Variants in BCL7B observed in about 807,000 individuals in gnomAD.
BCL7B encodes B-cell CLL/lymphoma 7 protein family member B.
BCL7B carries 11 observed loss-of-function variants against 26.5 expected under a neutral mutation model. That is an observed-to-expected ratio of 0.42 (90% CI 0.26 to 0.69). BCL7B has a LOEUF of 0.69. Among genes scored for constraint, BCL7B ranks in the 30% least tolerant of loss-of-function variants. BCL7B has a pLI of 0.28. For missense variants in BCL7B, 215 were observed against 264.4 expected, an observed-to-expected ratio of 0.81 and a Z score of 1.30; for synonymous variants, 111 against 107.9, an observed-to-expected ratio of 1.03 and a Z score of -0.18.
chr7:73,537,782 G>A, intron 5 of BCL7B, 152 bp downstream of exon 5: 1 of 553,154 alleles, frequency 1.8e-6, no homozygotes, highest in Non-Finnish European at 3.2e-6. Context: ...CAGCTACTCA[G>A]GAGGCTGAAA....
intron 1 of BCL7B, among the ~76,000 whole-genome samples, chr7:73,553,110 G>T (rs1453112295): frequency 6.7e-6 from 1 of 150,218 alleles, no homozygotes; most frequent in African/African-American, 2.5e-5. Context: ...TTGTAGAGAT[G>T]GTTGGGGTGG....
At chr7:73,550,459 T>C (rs1336747350) in intron 2 of BCL7B, among the ~76,000 whole-genome samples, 1 of 151,648 alleles carries the variant, frequency 6.6e-6, no homozygotes, top group Non-Finnish European at 1.5e-5. Context: ...GCAGGAGAAT[T>C]GCTTGAACCT....
In BCL7B at chr7:73,539,818, G is replaced by A. The variant is rs540253790; in HGVS notation, c.436+64C>T. 6 of 1,575,104 alleles carry A rather than the reference G, an allele frequency of 3.8e-6. No homozygotes were observed. In the South Asian group the frequency reaches 6.8e-5, roughly 18 times the overall value. On this transcript the variant is annotated intron_variant, in intron 4 of 5. Transcript: ENST00000223368. ...CTCGAGCCTGTTACTCTAAAGACGA[G>A]ACACAACAAGAGCAGAAAGCAAGGC...
At chr7:73,543,845 T>C (rs1448922002) in intron 2 of BCL7B, 1 of 523,708 alleles carries the variant, frequency 1.9e-6, no homozygotes, top group Non-Finnish European at 3.4e-6. Context: ...AAATGAACCC[T>C]TCCAGCAGGA....
chr7:73,546,717 A>T (rs1360301543), intron 2 of BCL7B, among the ~76,000 whole-genome samples: 1 of 152,196 alleles, frequency 6.6e-6, no homozygotes, highest in East Asian at 1.9e-4. Flanking sequence ...GCAATTTGTT[A>T]TGAAAAATAC....
intron 2 of BCL7B, 140 bp from the exon 3 acceptor site, chr7:73,543,784 C>T (rs1459329038): frequency 1.6e-6 from 1 of 637,688 alleles, no homozygotes; most frequent in Non-Finnish European, 2.7e-6. Context: ...AATCCAAGGA[C>T]CCAAGGAAGA....
Position 73,554,734 on chromosome 7 carries a change from A to G in BCL7B, c.93-2492T>C, listed in dbSNP as rs1220597536. On this transcript the variant is annotated intron_variant, in intron 1 of 5. Coordinates refer to ENST00000223368, the MANE Select transcript of BCL7B (RefSeq NM_001707.4). ...AACTGCTTGAACCCCAGAGGCGGAC[A>G]CTGCAGTGAGCCAAGACCACGCCAC... Among the ~76,000 whole-genome samples, 12 of 150,348 alleles carry G rather than the reference A, an allele frequency of 8.0e-5. No homozygotes were observed. The Admixed American group carries it at 8.0e-4, about 10-fold the overall frequency.
chr7:73,551,821 T>A lies in BCL7B; in HGVS notation c.168+346A>T, dbSNP rs943499413. 3.9e-5 allele frequency among the ~76,000 whole-genome samples: 6 copies of A among 152,022 alleles called. No homozygotes were observed. In the East Asian group the frequency reaches 7.7e-4, roughly 20 times the overall value. On this transcript the variant is annotated intron_variant, in intron 2 of 5. Transcript: ENST00000223368. The stretch of plus-strand genomic sequence containing the variant: ...TTAATTAAAAGGCAATTAGGCCGGG[T>A]GCAGTGGCTCACGCCTGTAATCCCA...
rs781938776 is a variant in BCL7B at position 73,537,336 on chromosome 7, C to A, written c.571G>T (p.Asp191Tyr). The A allele has an allele frequency of 1.2e-6, 2 of 1,614,116 alleles. No homozygotes were observed. The highest frequency in any genetic ancestry group is 2.2e-5 in the South Asian group (2 of 91,076). Reference protein sequence around the residue: ...GAPPLKRFCVDQPTVPQTASE... With the variant: ...GAPPLKRFCVYQPTVPQTASE... ...GCCGTCTGCGGCACTGTGGGTTGGT[C>A]CACACAGAAGCGCTTCAGGGGCGGG... Residue 191 changes from aspartate to tyrosine, a missense_variant, in exon 6 of 6, where the codon GAC becomes TAC. Coordinates refer to ENST00000223368, the MANE Select transcript of BCL7B (RefSeq NM_001707.4).
At chr7:73,551,186 T>G (rs919309254) in intron 2 of BCL7B, among the ~76,000 whole-genome samples, 4 of 152,220 alleles carry the variant, frequency 2.6e-5, no homozygotes, top group Non-Finnish European at 5.9e-5. Context: ...ATAAATATTT[T>G]AGGTTTTACG....
intron 2 of BCL7B, among the ~76,000 whole-genome samples, chr7:73,551,493 G>A (rs1341749859): frequency 2.0e-5 from 3 of 151,996 alleles, no homozygotes; most frequent in African/African-American, 7.2e-5. Flanking sequence ...AGTAGAGACA[G>A]GGGTTGCACT....
chr7:73,550,669 T>G (rs1792130617), intron 2 of BCL7B, among the ~76,000 whole-genome samples: 1 of 151,798 alleles, frequency 6.6e-6, no homozygotes, highest in African/African-American at 2.4e-5. Context: ...GTTTGTTTGG[T>G]TTTTTTGAGA....
intron 1 of BCL7B, among the ~76,000 whole-genome samples, chr7:73,556,191 C>T (rs141832462): frequency 2.7e-3 from 413 of 152,196 alleles, no homozygotes; most frequent in Non-Finnish European, 5.0e-3. Flanking sequence ...TATATGAAGC[C>T]CTCAGACATA....
Position 73,553,970 on chromosome 7 carries a change from CTTTTT to C in BCL7B, c.93-1733_93-1729del, listed in dbSNP as rs34326622. ...TGTGGAGGAGATAGAACAAAGGAGA[CTTTTT>C]TTTTTTTTTTTTTTGAGATAGGGTC... On this transcript the variant is annotated intron_variant, in intron 1 of 5. Transcript: ENST00000223368. Among the ~76,000 whole-genome samples, 12 of 127,852 alleles carry C rather than the reference CTTTTT, an allele frequency of 9.4e-5. No individual in the cohort carries two copies. The South Asian group carries it at 2.1e-3, about 22-fold the overall frequency. 83.9% of individuals were successfully genotyped at this position (127,852 alleles called of 152,430 possible). A position where few individuals can be genotyped will look rare whatever the true frequency, so the allele number is the denominator to read the frequency against.
intron 2 of BCL7B, among the ~76,000 whole-genome samples, chr7:73,545,272 G>A (rs1026545093): frequency 1.3e-5 from 2 of 152,076 alleles, no homozygotes; most frequent in African/African-American, 4.8e-5. Context: ...GAGTGCCATG[G>A]CACAATCTCG....
intron 2 of BCL7B, among the ~76,000 whole-genome samples, chr7:73,546,764 T>C (rs80170145): frequency 6.6e-6 from 1 of 152,264 alleles, no homozygotes; most frequent in East Asian, 1.9e-4. Context: ...TGAGGTTAAT[T>C]GAAATACATA....
chr7:73,551,274 G>T (rs1419504756), intron 2 of BCL7B, among the ~76,000 whole-genome samples: 2 of 152,130 alleles, frequency 1.3e-5, no homozygotes, highest in Non-Finnish European at 2.9e-5. Context: ...AAATCAGTGG[G>T]CATACTTATG....
intron 3 of BCL7B, 97 bp from the exon 4 acceptor site, chr7:73,540,149 G>T: frequency 1.5e-6 from 2 of 1,316,834 alleles, no homozygotes; most frequent in Non-Finnish European, 2.1e-6. Flanking sequence ...ACTTTAGGCA[G>T]CCAAGGATAC....
chr7:73,543,495 C>T, intron 3 of BCL7B, 53 bp downstream of exon 3: 1 of 1,519,460 alleles, frequency 6.6e-7, no homozygotes, highest in Non-Finnish European at 9.1e-7. Context: ...CTTATTAATG[C>T]ATTCATCCAA....
Sources: gnomAD v4.1 joint callset for allele counts (sites outside exome capture counted in the v4.1 genomes callset) on GRCh38, gnomAD v4.1.1 for gene constraint, MANE v1.5 for transcripts, NCBI Gene and HGNC (gene_info 2026-07-23, HGNC 2026-07-21) for gene names.